RASSF8: variants seen among roughly 807,000 people sequenced by gnomAD.
RASSF8 encodes Ras association domain family member 8, also known as ras association domain-containing protein 8.
Under a neutral mutation model 48.5 loss-of-function variants are expected in RASSF8, and 22 were observed. The observed-to-expected ratio is 0.45, with a 90% confidence interval of 0.32 to 0.65. The LOEUF is 0.65. Ranked by LOEUF, RASSF8 falls within the 30% of genes least tolerant of loss-of-function variation. The pLI is 0.03. For missense variants in RASSF8, 418 were observed against 489.2 expected, an observed-to-expected ratio of 0.85 and a Z score of 1.37; for synonymous variants, 127 against 171.5, an observed-to-expected ratio of 0.74 and a Z score of 2.03.
rs745809800 is a variant in RASSF8, at chr12:26,065,400, T to A, written c.993+13T>A. ...CAAACGCTTACAGGTAGGGACACTT[T>A]GATAAATAGAATGTTTGGCCCATGT... On this transcript the variant is annotated intron_variant, in intron 4 of 5. Transcript: ENST00000689635. 4.1e-5 allele frequency: 64 copies of A among 1,578,202 alleles called. No homozygotes were observed. In the East Asian group the frequency reaches 1.4e-3, roughly 35 times the overall value.
At position 26,065,050 on chromosome 12, in the gene RASSF8, A is replaced by G; in HGVS notation, c.656A>G (p.Glu219Gly). Residue 219 changes from glutamate to glycine, a missense_variant, in exon 4 of 6, where the codon GAA becomes GGA. Coordinates refer to ENST00000689635, the MANE Select transcript of RASSF8 (RefSeq NM_001394098.1). ...LEQKIKRNDV[E>G]IEEEEFWENE... is the part of the protein sequence containing the mutation. ...CAAAAGATCAAAAGAAACGATGTAG[A>G]AATTGAGGAGGAAGAATTCTGGGAA... 1.2e-6 allele frequency: 2 copies of G among 1,613,882 alleles called. No individual in the cohort carries two copies. The highest frequency in any genetic ancestry group is 1.7e-6 in the Non-Finnish European group (2 of 1,179,850).
chr12:25,971,503 G>A (rs2136863771), intron 1 of RASSF8, among the ~76,000 whole-genome samples: 1 of 152,044 alleles, frequency 6.6e-6, no homozygotes, highest in Admixed American at 6.5e-5. Context: ...CTGTGTTCTG[G>A]TCGGTCATTA....
Position 26,064,485 on chromosome 12 carries a change from CT to C in RASSF8, c.104-7del, listed in dbSNP as rs771769089. The C allele has an allele frequency of 1.3e-6, 2 of 1,501,430 alleles. No homozygotes were observed. Among genetic ancestry groups the C allele is most frequent in the South Asian group, 1.4e-5 (1 of 69,044 alleles). 93.0% of individuals were successfully genotyped at this position (1,501,430 alleles called of 1,614,324 possible). A position where few individuals can be genotyped will look rare whatever the true frequency, so the allele number is the denominator to read the frequency against. On this transcript the variant is annotated splice_polypyrimidine_tract_variant and intron_variant, in intron 3 of 5. Transcript: ENST00000689635. ...TCCCATTTTGACAAGTTATTCTTAC[CT>C]TTTTTACATAGGTCGAACTGGAAGG...
intron 1 of RASSF8, among the ~76,000 whole-genome samples, chr12:25,976,102 A>G (rs1337973810): frequency 6.6e-6 from 1 of 152,176 alleles, no homozygotes; most frequent in African/African-American, 2.4e-5. Flanking sequence ...CCAGTGAGGC[A>G]GGAGAATAGG....
chr12:26,036,932 A>G (rs1943165062), intron 2 of RASSF8, among the ~76,000 whole-genome samples: 1 of 151,618 alleles, frequency 6.6e-6, no homozygotes, highest in East Asian at 2.0e-4. Context: ...ATAAAAAAAA[A>G]ACAAAAAACT....
At chr12:26,000,403 T>C (rs1942227879) in intron 2 of RASSF8, among the ~76,000 whole-genome samples, 1 of 152,208 alleles carries the variant, frequency 6.6e-6, no homozygotes, top group African/African-American at 2.4e-5. Context: ...ATTAAAATAA[T>C]TTAATTTTGC....
chr12:26,026,994 A>C (rs1293651613), intron 2 of RASSF8, among the ~76,000 whole-genome samples: 1 of 152,242 alleles, frequency 6.6e-6, no homozygotes, highest in African/African-American at 2.4e-5. Flanking sequence ...GAAACAACCC[A>C]AATGATCTGA....
At chr12:26,035,391 T>TTATATGAAATTACATAATTATATAAG (rs1565629492) in intron 2 of RASSF8, among the ~76,000 whole-genome samples, 25 of 137,556 alleles carry the variant, frequency 1.8e-4, no homozygotes, top group East Asian at 6.2e-4. Flanking sequence ...TATAATATAA[T>TTATATGAAATTACATAATTATATAAG]TATATGAAAT....
At chr12:26,035,534 A>G (rs1201200143) in intron 2 of RASSF8, among the ~76,000 whole-genome samples, 2 of 143,028 alleles carry the variant, frequency 1.4e-5, no homozygotes, top group Non-Finnish European at 3.0e-5. Flanking sequence ...GAAATTATAT[A>G]TAAAAATTAT....
intron 2 of RASSF8, among the ~76,000 whole-genome samples, chr12:26,034,051 G>T (rs1943080502): frequency 6.6e-6 from 1 of 152,052 alleles, no homozygotes; most frequent in Non-Finnish European, 1.5e-5. Flanking sequence ...AGGTGGTGGT[G>T]GAGTGGGGAG....
chr12:25,994,512 G>T (rs1394081461), intron 1 of RASSF8, among the ~76,000 whole-genome samples: 1 of 152,184 alleles, frequency 6.6e-6, no homozygotes, highest in African/African-American at 2.4e-5. Context: ...AAGAAATGGT[G>T]CCAAGTTACC....
chr12:25,978,332 G>A (rs1396107190), intron 1 of RASSF8, among the ~76,000 whole-genome samples: 1 of 152,080 alleles, frequency 6.6e-6, no homozygotes, highest in Non-Finnish European at 1.5e-5. Context: ...AGTGAGACTG[G>A]CCAGCTGCGT....
At chr12:25,962,560 A>ATAATGAG (rs1008562250) in intron 1 of RASSF8, among the ~76,000 whole-genome samples, 1 of 152,188 alleles carries the variant, frequency 6.6e-6, no homozygotes, top group Non-Finnish European at 1.5e-5. Flanking sequence ...ATATGTTGAT[A>ATAATGAG]TAATGAGTAA....
chr12:26,043,931 G>C (rs1343402829), intron 2 of RASSF8, among the ~76,000 whole-genome samples: 1 of 152,176 alleles, frequency 6.6e-6, no homozygotes, highest in Non-Finnish European at 1.5e-5. Context: ...GTTGGGACTA[G>C]GAGAGGGGCT....
At chr12:26,002,968 A>G (rs1182499280) in intron 2 of RASSF8, among the ~76,000 whole-genome samples, 1 of 152,242 alleles carries the variant, frequency 6.6e-6, no homozygotes, top group Non-Finnish European at 1.5e-5. Flanking sequence ...TATACATGAC[A>G]CACATATAAA....
intron 2 of RASSF8, among the ~76,000 whole-genome samples, chr12:26,033,344 A>G (rs183044687): frequency 6.6e-6 from 1 of 152,276 alleles, no homozygotes; most frequent in Admixed American, 6.5e-5. Flanking sequence ...ATAACAGAAA[A>G]CCCACAAATT....
At chr12:25,995,438 C>T (rs1211629771) in intron 2 of RASSF8, among the ~76,000 whole-genome samples, 1 of 152,144 alleles carries the variant, frequency 6.6e-6, no homozygotes, top group Non-Finnish European at 1.5e-5. Context: ...AGCTGTGTGT[C>T]ACCACTCTTG....
chr12:25,974,553 T>A (rs1004782720), intron 1 of RASSF8, among the ~76,000 whole-genome samples: 1 of 151,678 alleles, frequency 6.6e-6, no homozygotes, highest in African/African-American at 2.4e-5. Context: ...AGCAATACTC[T>A]AAGCCCAAGT....
chr12:26,048,951 T>C (rs1406459750), intron 2 of RASSF8, among the ~76,000 whole-genome samples: 3 of 151,982 alleles, frequency 2.0e-5, no homozygotes, highest in Non-Finnish European at 4.4e-5. Context: ...AGAGACGGGG[T>C]TTCACCATAT....
Sources: gnomAD v4.1 joint callset for allele counts (sites outside exome capture counted in the v4.1 genomes callset) on GRCh38, gnomAD v4.1.1 for gene constraint, MANE v1.5 for transcripts, NCBI Gene and HGNC (gene_info 2026-07-23, HGNC 2026-07-21) for gene names.